The following DCBLD1 variants were observed in gnomAD, a reference collection of about 807,000 sequenced individuals.
DCBLD1 encodes the protein discoidin, CUB and LCCL domain containing 1.
Under a neutral mutation model 71.5 loss-of-function variants are expected in DCBLD1, and 57 were observed. That is an observed-to-expected ratio of 0.80 (90% confidence interval 0.64 to 0.99). The LOEUF (loss-of-function observed/expected upper bound fraction) is 0.99, where lower values mean the gene tolerates loss of function less well. Ranked by LOEUF, DCBLD1 falls within the 50% of genes least tolerant of loss-of-function variation. The pLI, the probability that DCBLD1 is intolerant of heterozygous loss-of-function variation, is 0.00. For missense variants in DCBLD1, 891 were observed against 923.5 expected (o/e 0.96, Z 0.46); for synonymous variants, 380 against 363.8 (o/e 1.04, Z -0.51).
At chr6:117,498,036 C>T (rs1777526362) in intron 1 of DCBLD1, among the ~76,000 whole-genome samples, 2 of 152,300 alleles carry the variant, frequency 1.3e-5, no homozygotes. Flanking sequence ...ACTTCCTTAA[C>T]ATCACATTGC....
At chr6:117,482,976 GA>G in intron 1 of DCBLD1, 83 bp downstream of exon 1, 1 of 594,116 alleles carries the variant, frequency 1.7e-6, no homozygotes, top group Non-Finnish European at 2.0e-6. Flanking sequence ...GGGCCGGGCC[GA>G]GGGCTACGGG....
rs1276593179 is a variant in DCBLD1 at position 117,482,691 on chromosome 6, G to A, written c.-91G>A. 3.7e-6 allele frequency: 4 copies of A among 1,087,870 alleles called. No homozygotes were observed. Among genetic ancestry groups the A allele is most frequent in the Non-Finnish European group, 4.5e-6 (4 of 896,802 alleles). The allele number at this position is 1,087,870 out of a possible 1,614,324, so 67.4% of individuals were successfully genotyped here. A position where few individuals can be genotyped will look rare whatever the true frequency, so the allele number is the denominator to read the frequency against. On this transcript the variant is annotated 5_prime_UTR_variant, in exon 1 of 15. Transcript: ENST00000338728. ...TGCGCCCCGTCCCGGCGCCGCGCTC[G>A]TCCGCAGAGGAGGCGGCCCGGCCCG...
chr6:117,565,160 A>G (rs1030285078), intron 14 of DCBLD1, among the ~76,000 whole-genome samples: 1 of 152,198 alleles, frequency 6.6e-6, no homozygotes, highest in South Asian at 2.1e-4. Context: ...AAATAACTCT[A>G]TGTTCCAAAC....
intron 5 of DCBLD1, among the ~76,000 whole-genome samples, chr6:117,529,900 T>G (rs763254978): frequency 6.6e-6 from 1 of 152,218 alleles, no homozygotes; most frequent in Non-Finnish European, 1.5e-5. Context: ...TTGAATTCCT[T>G]CAATACTGGG....
At chr6:117,490,742 G>A (rs13216575) in intron 1 of DCBLD1, among the ~76,000 whole-genome samples, 38,088 of 150,364 alleles carry the variant, frequency 0.25, 4,870 homozygotes, top group South Asian at 0.38. Flanking sequence ...AATTATAACC[G>A]CTGTTGTGGC....
chr6:117,517,705 G>A (rs1421271457), intron 2 of DCBLD1, among the ~76,000 whole-genome samples: 3 of 152,192 alleles, frequency 2.0e-5, no homozygotes, highest in Non-Finnish European at 4.4e-5. Flanking sequence ...ACACCACATG[G>A]AAGCTGCCAA....
intron 1 of DCBLD1, among the ~76,000 whole-genome samples, chr6:117,500,101 C>G (rs781193010): frequency 1.7e-4 from 26 of 152,226 alleles, no homozygotes; most frequent in Admixed American, 1.5e-3. Flanking sequence ...TAGGCATTTT[C>G]TCTCCCTAGC....
intron 2 of DCBLD1, among the ~76,000 whole-genome samples, chr6:117,515,110 C>G (rs899041829): frequency 4.0e-5 from 6 of 151,738 alleles, no homozygotes; most frequent in Admixed American, 1.3e-4. Context: ...ACCTCCACCC[C>G]CCAGGTTCAA....
At chr6:117,550,367 A>C (rs1779408087), downstream of DCBLD1, among the ~76,000 whole-genome samples, 1 of 152,204 alleles carries the variant, frequency 6.6e-6, no homozygotes, top group African/African-American at 2.4e-5. Context: ...GGGCAGAAAA[A>C]TTTTACATCT....
rs574824764 is a variant in DCBLD1, at chr6:117,493,544, A to T, written c.113-10223A>T. On this transcript the variant is annotated intron_variant, in intron 1 of 14. Transcript: ENST00000338728. The stretch of plus-strand genomic sequence containing the variant: ...CCTAATTAAACATGACTTTTTTCTC[A>T]TGTTAATTTTGAGACAAAAAGAGTA... Among the ~76,000 whole-genome samples the T allele has an allele frequency of 1.1e-4, 16 of 152,328 alleles. No individual in the cohort carries two copies. The South Asian group carries it at 2.9e-3, about 28-fold the overall frequency.
intron 5 of DCBLD1, among the ~76,000 whole-genome samples, chr6:117,527,416 C>G (rs548036555): frequency 6.6e-6 from 1 of 152,164 alleles, no homozygotes; most frequent in African/African-American, 2.4e-5. Flanking sequence ...CTTTGCAAAA[C>G]CAAAGCATAT....
At chr6:117,551,425 G>A (rs2114584414), downstream of DCBLD1, among the ~76,000 whole-genome samples, 2 of 151,842 alleles carry the variant, frequency 1.3e-5, no homozygotes, top group Admixed American at 1.3e-4. Flanking sequence ...TGTCACCCAG[G>A]CTGGACTGCA....
intron 11 of DCBLD1, 126 bp from the exon 12 acceptor site, chr6:117,542,998 A>C: frequency 2.6e-6 from 2 of 775,970 alleles, no homozygotes; most frequent in Middle Eastern, 2.4e-4. Flanking sequence ...TAAATGCCTA[A>C]CATGTATTCA....
Position 117,503,333 on chromosome 6 carries a change from A to G in DCBLD1, c.113-434A>G, listed in dbSNP as rs1346633655. 2.6e-5 allele frequency among the ~76,000 whole-genome samples: 4 copies of G among 152,356 alleles called. No individual in the cohort carries two copies. The East Asian group carries it at 7.7e-4, about 29-fold the overall frequency. On this transcript the variant is annotated intron_variant, in intron 1 of 14. Transcript: ENST00000338728. Reference sequence around the variant, plus strand: ...AGCTTAAGCCTCAGATTCTAACAGGAGCATTTTCTGTACATTATCTCATTT... The same window carrying G: ...AGCTTAAGCCTCAGATTCTAACAGGGGCATTTTCTGTACATTATCTCATTT...
chr6:117,507,850 A>G (rs186322811), intron 2 of DCBLD1, among the ~76,000 whole-genome samples: 5 of 152,332 alleles, frequency 3.3e-5, no homozygotes, highest in African/African-American at 1.2e-4. Flanking sequence ...TTTTAAAGTA[A>G]TCTTTAAAAG....
chr6:117,555,701 T>C (rs1286682845), intron 14 of DCBLD1, among the ~76,000 whole-genome samples: 3 of 152,206 alleles, frequency 2.0e-5, no homozygotes, highest in African/African-American at 7.2e-5. Flanking sequence ...AAACAGTTTC[T>C]TGTGAAATTC....
chr6:117,501,859 C>A (rs1014511770), intron 1 of DCBLD1, among the ~76,000 whole-genome samples: 1 of 152,182 alleles, frequency 6.6e-6, no homozygotes, highest in African/African-American at 2.4e-5. Context: ...AAACTTACAA[C>A]CTTTGGGCCC....
chr6:117,513,527 A>G (rs187470531), intron 2 of DCBLD1, among the ~76,000 whole-genome samples: 54 of 152,270 alleles, frequency 3.5e-4, no homozygotes, highest in Admixed American at 2.3e-3. Context: ...TTTTCTGCCT[A>G]CTTGATTAAC....
chr6:117,551,089 C>T (rs1779419384), downstream of DCBLD1, among the ~76,000 whole-genome samples: 1 of 152,204 alleles, frequency 6.6e-6, no homozygotes, highest in Non-Finnish European at 1.5e-5. Context: ...GATCTTGCTC[C>T]CAGCCTCTCC....
Sources: allele counts gnomAD v4.1 joint callset (sites outside exome capture counted in the v4.1 genomes callset), GRCh38; gene constraint gnomAD v4.1.1; transcripts MANE v1.5; gene names NCBI Gene and HGNC (gene_info 2026-07-23, HGNC 2026-07-21).